The following CENATAC variants were observed in gnomAD, a reference collection of about 807,000 sequenced individuals.
CENATAC encodes centrosomal AT-AC splicing factor.
In CENATAC, 53 loss-of-function variants were observed where a neutral mutation model predicts 53.7. That is an observed-to-expected ratio of 0.99 (90% CI 0.79 to 1.24). The LOEUF (loss-of-function observed/expected upper bound fraction) is 1.24. Among genes scored for constraint, CENATAC ranks in the 50% most tolerant of loss-of-function variants. The pLI is 0.00. For synonymous variants in CENATAC, 156 were observed against 144.6 expected (o/e 1.08, Z -0.57); for missense variants, 474 against 417.8 (o/e 1.13, Z -1.17).
In CENATAC at chr11:119,010,644, C is replaced by CTA. The variant is rs1442847386; in HGVS notation, c.384-117_384-116dup. The CTA allele has an allele frequency of 1.2e-5, 10 of 839,270 alleles. No individual in the cohort carries two copies. In the African/African-American group the frequency reaches 1.2e-4, roughly 10 times the overall value. The allele number at this position is 839,270 out of a possible 1,614,324, so 52.0% of individuals were successfully genotyped here. A position where few individuals can be genotyped will look rare whatever the true frequency, so the allele number is the denominator to read the frequency against. ...TGGGTGAGAGGTACATAGGTGCTTA[C>CTA]TATACTGTTTTGTTTCTGAATTTGG... On this transcript the variant is annotated intron_variant, in intron 3 of 10. Coordinates refer to ENST00000334418, the MANE Select transcript of CENATAC (RefSeq NM_198489.3).
At chr11:119,008,955 G>A (rs1942739072) in intron 3 of CENATAC, among the ~76,000 whole-genome samples, 1 of 152,102 alleles carries the variant, frequency 6.6e-6, no homozygotes, top group South Asian at 2.1e-4. Context: ...ATGTTTTTGT[G>A]AGCTCCAAGT....
intron 3 of CENATAC, chr11:119,003,072 A>T (rs1942392824): frequency 1.9e-6 from 1 of 527,530 alleles, no homozygotes; most frequent in Non-Finnish European, 3.8e-6. Flanking sequence ...CCAGTCGAAC[A>T]TGTTCCTTCT....
chr11:119,015,215 CAGA>C, intron 9 of CENATAC, 89 bp from the exon 10 acceptor site: 1 of 1,479,566 alleles, frequency 6.8e-7, no homozygotes, highest in Non-Finnish European at 9.2e-7. Flanking sequence ...CACTTGAGCC[CAGA>C]AGTTTGAAAA....
At chr11:118,998,792 G>A (rs782523029) in intron 2 of CENATAC, among the ~76,000 whole-genome samples, 199 bp downstream of exon 2, 45 of 152,126 alleles carry the variant, frequency 3.0e-4, no homozygotes, top group Admixed American at 1.3e-3. Context: ...GTCTGGCTGC[G>A]AGAGCCCGCT....
In CENATAC at chr11:119,010,847, G is replaced by T; in HGVS notation, c.450+17G>T. On this transcript the variant is annotated intron_variant, in intron 4 of 10. Transcript: ENST00000334418. ...ATCAAGGAGGTAAGTTAAAGTAGCA[G>T]TCCCTCACCCTTTTTGCACCAGGGG... The T allele has an allele frequency of 3.1e-6, 5 of 1,612,082 alleles. No individual in the cohort carries two copies. The highest frequency in any genetic ancestry group is 4.2e-6 in the Non-Finnish European group (5 of 1,178,342).
At chr11:119,010,720 G>C in intron 3 of CENATAC, 44 bp from the exon 4 acceptor site, 1 of 1,556,068 alleles carries the variant, frequency 6.4e-7, no homozygotes, top group Non-Finnish European at 8.8e-7. Context: ...CGTTTTAACT[G>C]GTGGGGAATG....
At chr11:119,001,845 C>G in intron 3 of CENATAC, 1 of 338,670 alleles carries the variant, frequency 3.0e-6, no homozygotes, top group South Asian at 2.3e-5. Context: ...TAGCTTGAGC[C>G]CAGGAGTTTG....
At chr11:119,005,804 G>A (rs949131115) in intron 3 of CENATAC, 1 of 152,178 alleles carries the variant, frequency 6.6e-6, no homozygotes, top group South Asian at 2.1e-4. Flanking sequence ...ATACACTCAG[G>A]TGTTGTGGAT....
At chr11:119,008,510 C>G (rs546801104) in intron 3 of CENATAC, among the ~76,000 whole-genome samples, 1 of 152,202 alleles carries the variant, frequency 6.6e-6, no homozygotes, top group Non-Finnish European at 1.5e-5. Flanking sequence ...AAACATGTCT[C>G]GCCTCCCGCC....
At chr11:119,011,610 C>G (rs1387047863) in intron 5 of CENATAC, among the ~76,000 whole-genome samples, 4 of 152,144 alleles carry the variant, frequency 2.6e-5, no homozygotes, top group African/African-American at 4.8e-5. Flanking sequence ...AACTCCTGAC[C>G]TCAGGTGATC....
At chr11:119,000,573 C>T (rs992309496) in intron 3 of CENATAC, among the ~76,000 whole-genome samples, 1 of 151,278 alleles carries the variant, frequency 6.6e-6, no homozygotes, top group African/African-American at 2.4e-5. Context: ...CTGGCCAACA[C>T]GGCAAAACCC....
chr11:118,999,216 G>T, intron 3 of CENATAC, 107 bp downstream of exon 3: 2 of 778,276 alleles, frequency 2.6e-6, no homozygotes, highest in South Asian at 3.1e-5. Context: ...GACTTACGAA[G>T]AATCTGCTGT....
chr11:118,999,809 A>AT (rs1157575134), intron 3 of CENATAC, among the ~76,000 whole-genome samples: 3 of 151,804 alleles, frequency 2.0e-5, no homozygotes, highest in African/African-American at 4.8e-5. Context: ...CGCCCGGCTA[A>AT]TTTTTTGTAT....
At chr11:119,006,774 C>T (rs904098239) in intron 3 of CENATAC, among the ~76,000 whole-genome samples, 4 of 152,220 alleles carry the variant, frequency 2.6e-5, no homozygotes, top group Non-Finnish European at 4.4e-5. Context: ...ATAATTCCCA[C>T]GTTGTGGGAG....
Position 119,015,019 on chromosome 11 carries a change from AGAT to A in CENATAC, c.744_746del (p.Asp248del). On this transcript the variant is annotated inframe_deletion, in exon 9 of 11. Transcript: ENST00000334418. ...GTGCCACACCTCCCTGGATGATCCA[AGAT>A]GAAGAATACATTGCTGGGAACCAAG... 1 of 1,611,582 alleles carries A rather than the reference AGAT, an allele frequency of 6.2e-7. No individual in the cohort carries two copies. Among genetic ancestry groups the A allele is most frequent in the East Asian group, 2.2e-5 (1 of 44,866 alleles).
At chr11:119,015,140 C>T in intron 9 of CENATAC, 57 bp downstream of exon 9, 2 of 1,521,228 alleles carry the variant, frequency 1.3e-6, no homozygotes, top group South Asian at 1.2e-5. Flanking sequence ...AAAATGGTTT[C>T]CTTGCCTGTG....
At chr11:119,013,164 T>G in intron 7 of CENATAC, 68 bp from the exon 8 acceptor site, 2 of 1,222,124 alleles carry the variant, frequency 1.6e-6, no homozygotes, top group Admixed American at 4.3e-5. Context: ...GTCTATCGTT[T>G]CTAGGATTTT....
chr11:118,998,553 C>G lies in CENATAC; in HGVS notation c.244C>G (p.Leu82Val). Residue 82 changes from leucine to valine, a missense_variant, in exon 2 of 11, where the codon CTG (leucine) becomes GTG (valine). Leu to Val is a conservative substitution (Grantham distance 32, BLOSUM62 1). Coordinates refer to ENST00000334418, the MANE Select transcript of CENATAC (RefSeq NM_198489.3). ...GCGGGAACACCTGAGCCATGGAAACCTGACGGTGCTGTACGGGGGGCTGCT... is the reference window on the plus strand; with the variant it reads ...GCGGGAACACCTGAGCCATGGAAACGTGACGGTGCTGTACGGGGGGCTGCT... Reference protein sequence around the residue: ...EVREHLSHGNLTVLYGGLLEH... With the variant: ...EVREHLSHGNVTVLYGGLLEH... 1 of 1,587,020 alleles carries G rather than the reference C, an allele frequency of 6.3e-7. No homozygotes were observed. The highest frequency in any genetic ancestry group is 8.6e-7 in the Non-Finnish European group (1 of 1,166,138).
chr11:119,012,014 T>C lies in CENATAC; in HGVS notation c.578+11T>C. On this transcript the variant is annotated intron_variant, in intron 6 of 10. Coordinates refer to ENST00000334418, the MANE Select transcript of CENATAC (RefSeq NM_198489.3). ...GAAAGGGATGAACAGGTAAGACTATTAGGGAATCTCTTGTTGGGAATTTGA... is the reference window on the plus strand; with the variant it reads ...GAAAGGGATGAACAGGTAAGACTATCAGGGAATCTCTTGTTGGGAATTTGA... The C allele has an allele frequency of 6.2e-7, 1 of 1,613,894 alleles. No homozygotes were observed. Among genetic ancestry groups the C allele is most frequent in the South Asian group, 1.1e-5 (1 of 91,066 alleles).
Sources: gnomAD v4.1 joint callset for allele counts (sites outside exome capture counted in the v4.1 genomes callset) on GRCh38, gnomAD v4.1.1 for gene constraint, MANE v1.5 for transcripts, NCBI Gene and HGNC (gene_info 2026-07-23, HGNC 2026-07-21) for gene names.